PLEKHG2: variants seen among roughly 807,000 people sequenced by gnomAD.
The protein encoded by PLEKHG2 is pleckstrin homology domain-containing family G member 2.
Under a neutral mutation model 104.4 loss-of-function variants are expected in PLEKHG2, and 71 were observed. The observed-to-expected ratio is 0.68, with a 90% confidence interval of 0.56 to 0.83. PLEKHG2 has a LOEUF of 0.83. Among genes scored for constraint, PLEKHG2 ranks in the 40% least tolerant of loss-of-function variants. The pLI, the probability that PLEKHG2 is intolerant of heterozygous loss-of-function variation, is 0.00. For missense variants in PLEKHG2, 1,730 were observed against 1,809.4 expected (o/e 0.96, Z 0.80); for synonymous variants, 728 against 737.0 (o/e 0.99, Z 0.20).
Position 39,425,282 on chromosome 19 carries a change from C to T in PLEKHG2, c.4149C>T (p.Pro1383=). 1.9e-6 allele frequency: 3 copies of T among 1,610,294 alleles called. No homozygotes were observed. The highest frequency in any genetic ancestry group is 1.7e-6 in the Non-Finnish European group (2 of 1,179,050). ...LHRAQGAPDA[P]FHM is the part of the protein sequence containing the mutation. ...GGGCCCAGGGGGCTCCTGATGCCCC[C>T]TTCCACATGTGAGCCAGGACATGAG... is the stretch of plus-strand genomic sequence containing the variant. The change falls in exon 19 of 19, where the codon CCC becomes CCT. Residue 1383 remains proline, a synonymous_variant. Coordinates refer to ENST00000425673, the MANE Select transcript of PLEKHG2 (RefSeq NM_022835.3).
chr19:39,423,221 G>A lies in PLEKHG2; in HGVS notation c.2167G>A (p.Glu723Lys). The A allele has an allele frequency of 1.2e-6, 2 of 1,613,114 alleles. No homozygotes were observed. The highest frequency in any genetic ancestry group is 1.7e-6 in the Non-Finnish European group (2 of 1,179,158). ...FSGSNPGKLGEPPSGGKAGPE... is the reference protein window; with the variant it reads ...FSGSNPGKLGKPPSGGKAGPE... ...TGGGAGCAATCCTGGGAAACTGGGA[G>A]AGCCGCCTTCAGGAGGCAAGGCAGG... Residue 723 changes from glutamate to lysine, a missense_variant, in exon 18 of 19, where the codon GAG becomes AAG. Transcript: ENST00000425673.
Position 39,424,055 on chromosome 19 carries a change from T to C in PLEKHG2, c.2922T>C (p.Asp974=), listed in dbSNP as rs1372331393. The C allele has an allele frequency of 1.2e-6, 2 of 1,613,580 alleles. No individual in the cohort carries two copies. Among genetic ancestry groups the C allele is most frequent in the East Asian group, 4.5e-5 (2 of 44,848 alleles). Residue 974 remains aspartate, a synonymous_variant, in exon 19 of 19, where the codon GAT becomes GAC. Coordinates refer to ENST00000425673, the MANE Select transcript of PLEKHG2 (RefSeq NM_022835.3). The part of the protein sequence containing the change: ...LQVPALTTFS[D]QGHPEIQVPA... ...TGCCGGCTCTTACAACTTTCTCTGA[T>C]CAAGGCCACCCAGAAATCCAAGTTC...
Position 39,425,136 on chromosome 19 carries a change from T to C in PLEKHG2, c.4003T>C (p.Tyr1335His). 1 of 1,589,636 alleles carries C rather than the reference T, an allele frequency of 6.3e-7. No homozygotes were observed. Among genetic ancestry groups the C allele is most frequent in the Non-Finnish European group, 8.6e-7 (1 of 1,169,510 alleles). ...PPPPPARRLS[Y>H]ATTVNIHVGG... ...ACCTCCCCCAGCCAGGCGGCTCAGC[T>C]ATGCCACGACGGTTAACATCCACGT... The change falls in exon 19 of 19, where the codon TAT (tyrosine) becomes CAT (histidine). Residue 1335 changes from tyrosine (Y) to histidine (H), a missense_variant. Physicochemically the swap from Tyr to His is moderately conservative, Grantham distance 83 (BLOSUM62 2). Transcript: ENST00000425673.
rs890209852 is a variant in PLEKHG2, at chr19:39,414,082, C to T, written c.-5C>T. 16 of 1,550,932 alleles carry T rather than the reference C, an allele frequency of 1.0e-5. No individual in the cohort carries two copies. Among genetic ancestry groups the T allele is most frequent in the African/African-American group, 1.4e-5 (1 of 73,170 alleles). The stretch of plus-strand genomic sequence containing the variant: ...TTCTGCAGGACTCTGCTGGGCCGCT[C>T]AGCCATGCCTGAGGGAGCCCAAGGA... On this transcript the variant is annotated 5_prime_UTR_variant, in exon 2 of 19. Coordinates refer to ENST00000425673, the MANE Select transcript of PLEKHG2 (RefSeq NM_022835.3).
intron 11 of PLEKHG2, among the ~76,000 whole-genome samples, chr19:39,420,103 T>C: frequency 6.6e-6 from 1 of 152,048 alleles, no homozygotes; most frequent in Non-Finnish European, 1.5e-5. Flanking sequence ...TTCACGCCTG[T>C]AATCCCAGCA....
chr19:39,421,574 G>A, intron 16 of PLEKHG2: 1 of 496,794 alleles, frequency 2.0e-6, no homozygotes, highest in South Asian at 2.1e-5. Context: ...CATAGTCCCA[G>A]CTACTCAGGA....
In PLEKHG2 at chr19:39,424,208, G is replaced by A; in HGVS notation, c.3075G>A (p.Glu1025=). The stretch of plus-strand genomic sequence containing the variant: ...CCACCACTCCAGCTTTGCCCAAGGA[G>A]ATTTGTTCTGATTTCACAGTTTCAG... The part of the protein sequence containing the change: ...HVPTTPALPK[E]ICSDFTVSVT... Residue 1025 remains glutamate, a synonymous_variant, in exon 19 of 19, where the codon GAG becomes GAA. Coordinates refer to ENST00000425673, the MANE Select transcript of PLEKHG2 (RefSeq NM_022835.3). 1 of 1,614,080 alleles carries A rather than the reference G, an allele frequency of 6.2e-7. No homozygotes were observed. Among genetic ancestry groups the A allele is most frequent in the South Asian group, 1.1e-5 (1 of 91,074 alleles).
intron 12 of PLEKHG2, 44 bp downstream of exon 12, chr19:39,420,703 T>C (rs537419805): frequency 2.5e-6 from 4 of 1,614,050 alleles, no homozygotes; most frequent in Admixed American, 1.7e-5. Flanking sequence ...AGTAGACGAA[T>C]TACTTCCAAG....
rs2078795020 is a variant in PLEKHG2, at chr19:39,427,450, T to C, written c.*2156T>C. On this transcript the variant is annotated 3_prime_UTR_variant, in exon 19 of 19. Transcript: ENST00000425673. ...CCCAGGTTCAAGTGATTCTCCTGCC[T>C]CTAGCTGGGATTGCAGGCGCCCACG... The C allele has an allele frequency of 6.6e-6, 1 of 151,836 alleles. No individual in the cohort carries two copies. The highest frequency in any genetic ancestry group is 1.5e-5 in the Non-Finnish European group (1 of 68,030). The allele number at this position is 151,836 out of a possible 1,614,324, so 9.4% of individuals were successfully genotyped here. A position where few individuals can be genotyped will look rare whatever the true frequency, so the allele number is the denominator to read the frequency against.
rs1428244085 is a variant in PLEKHG2 at position 39,425,062 on chromosome 19, C to T, written c.3929C>T (p.Ser1310Phe). ...APAASRGSWS[S>F]APTSRASSPP... ...GCAGCCTCCCGGGGCTCCTGGTCCT[C>T]TGCTCCCACGTCACGGGCATCTTCG... Residue 1310 changes from serine to phenylalanine, a missense_variant, in exon 19 of 19, where the codon TCT becomes TTT. Ser to Phe is a radical substitution (Grantham distance 155, BLOSUM62 -2). Coordinates refer to ENST00000425673, the MANE Select transcript of PLEKHG2 (RefSeq NM_022835.3). 1 of 1,598,026 alleles carries T rather than the reference C, an allele frequency of 6.3e-7. No individual in the cohort carries two copies. Among genetic ancestry groups the T allele is most frequent in the Admixed American group, 1.7e-5 (1 of 57,394 alleles).
chr19:39,427,337 ATT>A lies in PLEKHG2; in HGVS notation c.*2057_*2058del, dbSNP rs59475599. On this transcript the variant is annotated 3_prime_UTR_variant, in exon 19 of 19. Transcript: ENST00000425673. ...CCATCATTCCTGGCTGGGAATCCGAATTTTTTTTTTTTTTTAGACGGAGTTTC... is the reference window on the plus strand; with the variant it reads ...CCATCATTCCTGGCTGGGAATCCGAATTTTTTTTTTTTTAGACGGAGTTTC... The A allele has an allele frequency of 6.3e-4, 88 of 139,158 alleles. No homozygotes were observed. Among genetic ancestry groups the A allele is most frequent in the Admixed American group, 6.6e-4 (9 of 13,676 alleles). 8.6% of individuals were successfully genotyped at this position (139,158 alleles called of 1,614,324 possible).
In PLEKHG2 at chr19:39,423,732, G is replaced by C. The variant is rs763259398; in HGVS notation, c.2600-1G>C. On this transcript the variant is annotated splice_acceptor_variant, in intron 18 of 18. Coordinates refer to ENST00000425673, the MANE Select transcript of PLEKHG2 (RefSeq NM_022835.3). LOFTEE classifies it high-confidence loss of function. ...TGACTCGATCCTCTTTTCGCATTCA[G>C]GGCTCCTGCCTGCCTTTGGACACGT... 6.2e-7 allele frequency: 1 copy of C among 1,606,888 alleles called. No individual in the cohort carries two copies. Among genetic ancestry groups the C allele is most frequent in the Non-Finnish European group, 8.5e-7 (1 of 1,175,302 alleles).
At chr19:39,417,773 C>A in intron 8 of PLEKHG2, 81 bp downstream of exon 8, 1 of 1,530,260 alleles carries the variant, frequency 6.5e-7, no homozygotes, top group South Asian at 1.2e-5. Flanking sequence ...AAATCAGTGC[C>A]TCAGAGGTAG....
rs776243080 is a variant in PLEKHG2, at chr19:39,415,849, G to A, written c.479+410G>A. Among the ~76,000 whole-genome samples, 140 of 152,180 alleles carry A rather than the reference G, an allele frequency of 9.2e-4. 1 individual carries two copies. Among genetic ancestry groups the A allele is most frequent in the Non-Finnish European group, 1.7e-3 (118 of 68,032 alleles). ...AAGAATCATATGGGGCCTGAAGGCC[G>A]AGACAGCGTGAGCATGCGAGTGACC... On this transcript the variant is annotated intron_variant, in intron 4 of 18. Transcript: ENST00000425673. The surrounding 1 kb of genome is among the most constrained non-coding windows in gnomAD (Gnocchi z 4.6).
rs761237453 is a variant in PLEKHG2, at chr19:39,424,139, C to T, written c.3006C>T (p.Thr1002=). The part of the protein sequence containing the change: ...RSHMVIPAPS[T]AFCPEQGHCA... ...ACATGGTTATACCAGCTCCATCCAC[C>T]GCCTTTTGTCCTGAGCAGGGACACT... Residue 1002 remains threonine, a synonymous_variant, in exon 19 of 19, where the codon ACC becomes ACT. Transcript: ENST00000425673. The T allele has an allele frequency of 2.0e-5, 32 of 1,613,988 alleles. No individual in the cohort carries two copies. Among genetic ancestry groups the T allele is most frequent in the East Asian group, 4.5e-5 (2 of 44,886 alleles).
In PLEKHG2 at chr19:39,425,026, G is replaced by A. The variant is rs771035184; in HGVS notation, c.3893G>A (p.Gly1298Glu). Residue 1298 changes from glycine (G) to glutamate (E), a missense_variant, in exon 19 of 19, where the codon GGA becomes GAA. Transcript: ENST00000425673. The part of the protein sequence containing the change: ...QSLARRQGPG[G>E]GAPAASRGSW... ...CTGGCTCGGCGGCAGGGGCCTGGGG[G>A]AGGGGCCCCCGCAGCCTCCCGGGGC... 35 of 1,602,708 alleles carry A rather than the reference G, an allele frequency of 2.2e-5. No individual in the cohort carries two copies. Among genetic ancestry groups the A allele is most frequent in the Non-Finnish European group, 2.8e-5 (33 of 1,174,402 alleles).
chr19:39,420,858 G>T lies in PLEKHG2; in HGVS notation c.1399+6G>T. 13 of 1,614,196 alleles carry T rather than the reference G, an allele frequency of 8.1e-6. No individual in the cohort carries two copies. The highest frequency in any genetic ancestry group is 1.1e-5 in the Non-Finnish European group (13 of 1,180,036). On this transcript the variant is annotated splice_donor_region_variant and intron_variant, in intron 13 of 18. Transcript: ENST00000425673. ...CCCTGGGCGAAGGAACACAGGTAAA[G>T]GCGGTGGATCCCTGAGTCCCAGCCC...
At position 39,416,410 on chromosome 19, in the gene PLEKHG2, A is replaced by G. The variant is rs1409003059; in HGVS notation, c.542A>G (p.Gln181Arg). The G allele has an allele frequency of 2.5e-6, 4 of 1,610,100 alleles. No homozygotes were observed. The African/African-American group carries it at 5.4e-5, about 22-fold the overall frequency. ...GGGGGTATTGCCGAGTGCTTCGTGC[A>G]GAGGGTGAGTGGAGGGGTGGGGGGC... The part of the protein sequence containing the change: ...SAGGIAECFV[Q>R]RSEDFDIYTL... Residue 181 changes from glutamine to arginine, a missense_variant, in exon 5 of 19, where the codon CAG becomes CGG. By Grantham distance (43) the Gln-to-Arg change is conservative (BLOSUM62 1). Transcript: ENST00000425673. This position sits in a 1 kb window ranked among gnomAD's most constrained non-coding sequence, Gnocchi z 4.5.
chr19:39,423,659 G>A lies in PLEKHG2; in HGVS notation c.2599+6G>A, dbSNP rs751687403. The A allele has an allele frequency of 1.1e-5, 17 of 1,549,996 alleles. No individual in the cohort carries two copies. Among genetic ancestry groups the A allele is most frequent in the South Asian group, 7.5e-5 (6 of 79,848 alleles). ...CCAGGAGCAGGCAGAGCCAGGTGAG[G>A]TCCGGGTACGTGGTTGGCAGAGGTG... On this transcript the variant is annotated splice_donor_region_variant and intron_variant, in intron 18 of 18. Coordinates refer to ENST00000425673, the MANE Select transcript of PLEKHG2 (RefSeq NM_022835.3).
Sources: gnomAD v4.1 joint callset for allele counts (sites outside exome capture counted in the v4.1 genomes callset) on GRCh38, gnomAD v4.1.1 for gene constraint, Gnocchi (gnomAD v3.1) non-coding constraint, MANE v1.5 for transcripts, NCBI Gene and HGNC (gene_info 2026-07-23, HGNC 2026-07-21) for gene names.